Variants in KDSR observed in about 807,000 individuals in gnomAD.
KDSR encodes 3-ketodihydrosphingosine reductase.
A neutral mutation model predicts 41.3 loss-of-function variants in KDSR; 23 were observed. The observed-to-expected ratio is 0.56, with a 90% CI of 0.40 to 0.79. The LOEUF is 0.79. KDSR is among the 30% of genes least tolerant of loss of function. The probability of loss-of-function intolerance (pLI) is 0.00; values close to 1 mark genes in which losing one functional copy is unlikely to be tolerated. For missense variants in KDSR, 351 were observed against 416.8 expected, an observed-to-expected ratio of 0.84 and a Z score of 1.37; for synonymous variants, 138 against 151.7, an observed-to-expected ratio of 0.91 and a Z score of 0.66.
intron 5 of KDSR, among the ~76,000 whole-genome samples, chr18:63,354,389 C>T (rs1424007305): frequency 1.3e-5 from 2 of 152,170 alleles, no homozygotes; most frequent in South Asian, 4.1e-4. Flanking sequence ...CATTTCAGGC[C>T]GGGCCTGGTG....
At chr18:63,361,875 T>A (rs370554460) in intron 2 of KDSR, among the ~76,000 whole-genome samples, 1 of 152,118 alleles carries the variant, frequency 6.6e-6, no homozygotes, top group East Asian at 1.9e-4. Flanking sequence ...GCGACATTAT[T>A]TAAATTTTCC....
chr18:63,343,338 G>A (rs1228115577), intron 7 of KDSR, among the ~76,000 whole-genome samples: 1 of 151,496 alleles, frequency 6.6e-6, no homozygotes, highest in African/African-American at 2.4e-5. Flanking sequence ...GGGATTACAG[G>A]TGTGAGACAC....
rs998152720 is a variant in KDSR at position 63,331,899 on chromosome 18, C to A, written c.882G>T (p.Val294=). 5 of 1,613,152 alleles carry A rather than the reference C, an allele frequency of 3.1e-6. No individual in the cohort carries two copies. Among genetic ancestry groups the A allele is most frequent in the Non-Finnish European group, 4.2e-6 (5 of 1,179,614 alleles). Residue 294 remains valine, a splice_region_variant and synonymous_variant, in exon 10 of 10, where the codon GTG becomes GTT. Coordinates refer to ENST00000645214, the MANE Select transcript of KDSR (RefSeq NM_002035.4). ...TAGTGCGGAAAAGGCCCATGGTGACCACCTGCAAGATAAAGAGAGAGCTTT... is the reference window on the plus strand; with the variant it reads ...TAGTGCGGAAAAGGCCCATGGTGACAACCTGCAAGATAAAGAGAGAGCTTT... ...VTSITEGLQQ[V]VTMGLFRTIA... is the part of the protein sequence containing the mutation.
rs137953488 is a variant in KDSR at position 63,327,832 on chromosome 18, C to A, written c.*3950G>T. The A allele has an allele frequency of 5.1e-6, 1 of 194,300 alleles. No homozygotes were observed. The highest frequency in any genetic ancestry group is 8.1e-5 in the East Asian group (1 of 12,336). 12.0% of individuals were successfully genotyped at this position (194,300 alleles called of 1,614,324 possible). On this transcript the variant is annotated 3_prime_UTR_variant, in exon 10 of 10. Transcript: ENST00000645214. The stretch of plus-strand genomic sequence containing the variant: ...TCTGCCACAAAAGCTTCTAAAGTAG[C>A]AAACACAACTTTGTGTATCAAAATA...
In KDSR at chr18:63,355,527, A is replaced by G; in HGVS notation, c.292T>C (p.Tyr98His). Residue 98 changes from tyrosine (Y) to histidine (H), a missense_variant, in exon 4 of 10, where the codon TAT (tyrosine) becomes CAT (histidine). Transcript: ENST00000645214. ...TTTATGACATTCTCTACTTGGTTAT[A>G]GTCTTGAGATACATCAACTGATATG... ...LCISVDVSQD[Y>H]NQVENVIKQA... is the part of the protein sequence containing the mutation. 1.2e-6 allele frequency: 2 copies of G among 1,607,718 alleles called. No homozygotes were observed. The highest frequency in any genetic ancestry group is 2.2e-5 in the South Asian group (2 of 89,156).
At position 63,337,113 on chromosome 18, in the gene KDSR, AATATAT is replaced by A. The variant is rs139383635; in HGVS notation, c.777+1681_777+1686del. Among the ~76,000 whole-genome samples the A allele has an allele frequency of 9.4e-4, 120 of 127,748 alleles. 5 individuals are homozygous for A. Among genetic ancestry groups the A allele is most frequent in the African/African-American group, 2.6e-3 (81 of 31,422 alleles). The allele number at this position is 127,748 out of a possible 152,430, so 83.8% of individuals were successfully genotyped here. ...GTGACTTTATATATATATATATGTG[AATATAT>A]ATATATATATATATATATGGAGTTT... On this transcript the variant is annotated intron_variant, in intron 8 of 9. Coordinates refer to ENST00000645214, the MANE Select transcript of KDSR (RefSeq NM_002035.4).
chr18:63,355,303 G>C lies in KDSR; in HGVS notation c.322-4C>G, dbSNP rs1452330928. The C allele has an allele frequency of 6.2e-7, 1 of 1,612,808 alleles. No individual in the cohort carries two copies. The highest frequency in any genetic ancestry group is 8.5e-7 in the Non-Finnish European group (1 of 1,179,332). On this transcript the variant is annotated splice_polypyrimidine_tract_variant and splice_region_variant and intron_variant, in intron 4 of 9. Coordinates refer to ENST00000645214, the MANE Select transcript of KDSR (RefSeq NM_002035.4). ...CTGGACCCAGTTTCTCCTGTGCCTA[G>C]AAAAATGTAGCAGAGCAGGCATTAA...
chr18:63,354,314 C>G (rs1219344542), intron 5 of KDSR, among the ~76,000 whole-genome samples: 1 of 150,708 alleles, frequency 6.6e-6, no homozygotes, highest in Non-Finnish European at 1.5e-5. Context: ...GACTCTGTCT[C>G]AAAAAAAAGG....
At chr18:63,333,291 G>A (rs971586796) in intron 9 of KDSR, among the ~76,000 whole-genome samples, 1 of 152,038 alleles carries the variant, frequency 6.6e-6, no homozygotes, top group Non-Finnish European at 1.5e-5. Context: ...TCACTATGTT[G>A]CCCAGGCTGA....
chr18:63,366,881 G>C (rs898377537), intron 1 of KDSR, 130 bp downstream of exon 1: 28 of 437,832 alleles, frequency 6.4e-5, no homozygotes, highest in Non-Finnish European at 1.0e-4. Context: ...GGCGGCAGGT[G>C]ACCTTCCCCA....
intron 7 of KDSR, among the ~76,000 whole-genome samples, chr18:63,342,814 C>T (rs1368716612): frequency 6.6e-6 from 1 of 152,094 alleles, no homozygotes; most frequent in Non-Finnish European, 1.5e-5. Flanking sequence ...TGATATGGTT[C>T]GGATCTGTGT....
chr18:63,354,910 T>C (rs1200447443), intron 5 of KDSR, among the ~76,000 whole-genome samples: 1 of 152,198 alleles, frequency 6.6e-6, no homozygotes, highest in Admixed American at 6.5e-5. Context: ...AAGTGTTCTC[T>C]TGAAAATATG....
intron 1 of KDSR, 28 bp downstream of exon 1, chr18:63,366,983 C>CG (rs762349881): frequency 2.5e-6 from 3 of 1,218,112 alleles, no homozygotes; most frequent in Non-Finnish European, 2.1e-6. Context: ...GCCGGTAAGT[C>CG]GGGGGGCAGC....
intron 7 of KDSR, among the ~76,000 whole-genome samples, chr18:63,341,726 T>C (rs761955048): frequency 4.0e-5 from 6 of 151,868 alleles, no homozygotes; most frequent in African/African-American, 7.3e-5. Context: ...TTTCCAAAAA[T>C]AAATGGAAAA....
chr18:63,333,018 GA>G (rs1188527987), intron 9 of KDSR, among the ~76,000 whole-genome samples: 14 of 151,560 alleles, frequency 9.2e-5, no homozygotes, highest in Admixed American at 2.0e-4. Context: ...AAGAAAGAAA[GA>G]AAAAAAAGAG....
At position 63,332,000 on chromosome 18, in the gene KDSR, G is replaced by A. The variant is rs569829305; in HGVS notation, c.880-99C>T. The A allele has an allele frequency of 1.0e-4, 126 of 1,253,654 alleles. 1 individual carries two copies. Among genetic ancestry groups the A allele is most frequent in the Admixed American group, 5.7e-4 (25 of 44,010 alleles). The allele number at this position is 1,253,654 out of a possible 1,614,324, so 77.7% of individuals were successfully genotyped here. On this transcript the variant is annotated intron_variant, in intron 9 of 9. Transcript: ENST00000645214. Reference sequence around the variant, plus strand: ...AACAGTTTCTAAGACAAATCTTCTAGTCTGCTCTAAGGATGAATATAATGA... The same window carrying A: ...AACAGTTTCTAAGACAAATCTTCTAATCTGCTCTAAGGATGAATATAATGA...
intron 1 of KDSR, 129 bp from the exon 2 acceptor site, chr18:63,362,997 T>G (rs1316068254): frequency 1.6e-6 from 1 of 620,646 alleles, no homozygotes; most frequent in African/African-American, 1.8e-5. Flanking sequence ...GTTGTTAACT[T>G]CTTCATCCCA....
intron 2 of KDSR, 69 bp from the exon 3 acceptor site, chr18:63,359,861 G>T: frequency 1.9e-6 from 2 of 1,040,534 alleles, no homozygotes; most frequent in Non-Finnish European, 1.5e-6. Flanking sequence ...GCAAAGGAGA[G>T]AAAAAAAGCA....
In KDSR at chr18:63,350,897, C is replaced by T; in HGVS notation, c.600G>A (p.Leu200=). ...TGAATACAACTTTTACCTCCATCTG[C>T]AAAGCTTCTGCCAATCCCCTTATGG... ...KFAIRGLAEA[L]QMEVKPYNVY... is the part of the protein sequence containing the mutation. Residue 200 remains leucine (L), a synonymous_variant, in exon 6 of 10, where the codon TTG becomes TTA. Coordinates refer to ENST00000645214, the MANE Select transcript of KDSR (RefSeq NM_002035.4). 2 of 1,609,916 alleles carry T rather than the reference C, an allele frequency of 1.2e-6. No homozygotes were observed. Among genetic ancestry groups the T allele is most frequent in the Non-Finnish European group, 1.7e-6 (2 of 1,177,498 alleles).
Sources: allele counts gnomAD v4.1 joint callset (sites outside exome capture counted in the v4.1 genomes callset), GRCh38; gene constraint gnomAD v4.1.1; transcripts MANE v1.5; gene names NCBI Gene and HGNC (gene_info 2026-07-23, HGNC 2026-07-21).